Variants in SCN2A observed in about 807,000 individuals in gnomAD.
SCN2A encodes sodium voltage-gated channel alpha subunit 2, also known as sodium channel protein type 2 subunit alpha.
A neutral mutation model predicts 188.7 loss-of-function variants in SCN2A; 20 were observed. That is an observed-to-expected ratio of 0.11 (90% CI 0.07 to 0.15). The LOEUF is 0.15. Ranked by LOEUF, SCN2A falls within the 10% of genes least tolerant of loss-of-function variation. The probability of loss-of-function intolerance (pLI) is 1.00; values close to 1 mark genes in which losing one functional copy is unlikely to be tolerated. For synonymous variants in SCN2A, 804 were observed against 833.1 expected (o/e 0.97, Z 0.60); for missense variants, 1,278 against 2,445.0 (o/e 0.52, Z 10.07).
chr2:165,318,634 G>T (rs1404210310), intron 11 of SCN2A, among the ~76,000 whole-genome samples: 2 of 152,224 alleles, frequency 1.3e-5, no homozygotes, highest in Admixed American at 1.3e-4. Context: ...TGATCCTTGA[G>T]AAACATGCAA....
chr2:165,324,603 T>C (rs1698252962), intron 12 of SCN2A, among the ~76,000 whole-genome samples: 1 of 152,184 alleles, frequency 6.6e-6, no homozygotes, highest in South Asian at 2.1e-4. Context: ...CATCAGCTCT[T>C]CTTAAAAAAT....
At chr2:165,373,163 G>A in intron 20 of SCN2A, 62 bp from the exon 21 acceptor site, 8 of 1,567,460 alleles carry the variant, frequency 5.1e-6, no homozygotes, top group South Asian at 3.3e-5. Flanking sequence ...CATAGAGCAA[G>A]GCTGAACTGT....
intron 1 of SCN2A, among the ~76,000 whole-genome samples, chr2:165,250,491 A>T (rs1574435961): frequency 1.5e-4 from 1 of 6,544 alleles, no homozygotes; most frequent in African/African-American, 2.8e-4. Flanking sequence ...GCTCTATTTC[A>T]CACACACACA....
intron 20 of SCN2A, chr2:165,371,391 A>G (rs527303562): frequency 4.6e-5 from 7 of 152,320 alleles, no homozygotes; most frequent in Middle Eastern, 3.4e-3. Context: ...TAAATAAGTC[A>G]TTTTTCTAGT....
In SCN2A at chr2:165,374,849, G is replaced by C. The variant is rs750733571; in HGVS notation, c.4137G>C (p.Val1379=). 1 of 1,613,514 alleles carries C rather than the reference G, an allele frequency of 6.2e-7. No homozygotes were observed. Among genetic ancestry groups the C allele is most frequent in the South Asian group, 1.1e-5 (1 of 91,068 alleles). ...CTGGAGAGATGTTTGATGTAAGCGT[G>C]GTCAACAACTACAGTGAGTGCAAAG... is the stretch of plus-strand genomic sequence containing the variant. ...YTTGEMFDVS[V]VNNYSECKAL... Residue 1379 remains valine (V), a synonymous_variant, in exon 22 of 27, where the codon GTG becomes GTC. Transcript: ENST00000375437.
intron 1 of SCN2A, chr2:165,270,949 A>T (rs1021024784): frequency 2.0e-5 from 3 of 152,110 alleles, no homozygotes; most frequent in African/African-American, 7.2e-5. Flanking sequence ...TAGCCTTATT[A>T]AAAACTCAAT....
chr2:165,279,785 G>T (rs13413719), intron 1 of SCN2A, among the ~76,000 whole-genome samples: 1 of 152,016 alleles, frequency 6.6e-6, no homozygotes, highest in African/African-American at 2.4e-5. Context: ...CTGTGATATG[G>T]TTTGCCTGTG....
At chr2:165,255,016 A>G (rs1694255768) in intron 1 of SCN2A, among the ~76,000 whole-genome samples, 1 of 151,882 alleles carries the variant, frequency 6.6e-6, no homozygotes, top group Non-Finnish European at 1.5e-5. Flanking sequence ...AATCTGTTCT[A>G]TGCTTCTTTC....
intron 21 of SCN2A, among the ~76,000 whole-genome samples, chr2:165,374,123 A>C (rs1230189247): frequency 6.6e-6 from 1 of 152,040 alleles, no homozygotes; most frequent in East Asian, 1.9e-4. Context: ...GTGTGTGTAG[A>C]TGTGTGTCTG....
chr2:165,379,141 T>C (rs1701465455), intron 23 of SCN2A, among the ~76,000 whole-genome samples: 1 of 151,816 alleles, frequency 6.6e-6, no homozygotes, highest in African/African-American at 2.4e-5. Context: ...ATGTTTAGGA[T>C]AATCTATGTA....
chr2:165,246,567 A>G (rs945529661), intron 1 of SCN2A, among the ~76,000 whole-genome samples: 4 of 152,166 alleles, frequency 2.6e-5, no homozygotes, highest in Non-Finnish European at 5.9e-5. Context: ...CTCTCACTAA[A>G]TGTCCTCTTT....
intron 11 of SCN2A, among the ~76,000 whole-genome samples, chr2:165,316,490 C>G (rs191415205): frequency 6.0e-4 from 92 of 152,226 alleles, no homozygotes; most frequent in African/African-American, 2.0e-3. Flanking sequence ...CAAGAGAATT[C>G]ACAGGAATAC....
At chr2:165,274,093 C>A (rs1205118413) in intron 1 of SCN2A, 1 of 152,038 alleles carries the variant, frequency 6.6e-6, no homozygotes, top group African/African-American at 2.4e-5. Context: ...AATTCACATG[C>A]ATGAAGCTAT....
At chr2:165,243,954 A>G (rs1559311712) in intron 1 of SCN2A, 1 of 152,192 alleles carries the variant, frequency 6.6e-6, no homozygotes, top group Non-Finnish European at 1.5e-5. Context: ...CTATTAAAAA[A>G]TGAAAAGTAG....
intron 1 of SCN2A, chr2:165,294,040 A>AATT (rs780674346): frequency 5.4e-5 from 34 of 630,302 alleles, no homozygotes; most frequent in East Asian, 3.5e-4. Flanking sequence ...AAAAAAAAAG[A>AATT]TTTTTTTTTT....
At chr2:165,317,159 C>G (rs1437476309) in intron 11 of SCN2A, among the ~76,000 whole-genome samples, 1 of 152,008 alleles carries the variant, frequency 6.6e-6, no homozygotes, top group African/African-American at 2.4e-5. Context: ...CAAATAACAT[C>G]ATAAGATTGC....
Position 165,313,884 on chromosome 2 carries a change from C to G in SCN2A, c.1177-18C>G. On this transcript the variant is annotated intron_variant, in intron 9 of 26. Coordinates refer to ENST00000375437, the MANE Select transcript of SCN2A (RefSeq NM_001040142.2). Reference sequence around the variant, plus strand: ...CATCCTATATAAAATTTATTAAAATCTCTCTTCCATTTTGCAGACACTACG... The same window carrying G: ...CATCCTATATAAAATTTATTAAAATGTCTCTTCCATTTTGCAGACACTACG... 6.2e-7 allele frequency: 1 copy of G among 1,613,430 alleles called. No individual in the cohort carries two copies. The highest frequency in any genetic ancestry group is 8.5e-7 in the Non-Finnish European group (1 of 1,179,534).
At position 165,344,698 on chromosome 2, in the gene SCN2A, C is replaced by G. The variant is rs192461273; in HGVS notation, c.2706C>G (p.Leu902=). The G allele has an allele frequency of 9.1e-5, 147 of 1,613,976 alleles. No homozygotes were observed. Among genetic ancestry groups the G allele is most frequent in the Non-Finnish European group, 1.2e-4 (145 of 1,180,022 alleles). Reference sequence around the variant, plus strand: ...TTTTTGCTGTGGTCGGCATGCAGCTCTTTGGTAAGAGCTACAAAGAATGTG... The same window carrying G: ...TTTTTGCTGTGGTCGGCATGCAGCTGTTTGGTAAGAGCTACAAAGAATGTG... ...VFIFAVVGMQ[L]FGKSYKECVC... is the part of the protein sequence containing the mutation. The change falls in exon 16 of 27, where the codon CTC becomes CTG. Residue 902 remains leucine (L), a synonymous_variant. Coordinates refer to ENST00000375437, the MANE Select transcript of SCN2A (RefSeq NM_001040142.2).
intron 11 of SCN2A, chr2:165,320,366 T>A (rs1698008505): frequency 2.6e-5 from 4 of 152,280 alleles, no homozygotes. Flanking sequence ...CTTTTCCAGG[T>A]ACACGGTTCA....
Sources: allele counts gnomAD v4.1 joint callset (sites outside exome capture counted in the v4.1 genomes callset), GRCh38; gene constraint gnomAD v4.1.1; transcripts MANE v1.5; gene names NCBI Gene and HGNC (gene_info 2026-07-23, HGNC 2026-07-21).